PLCXD1: variants seen among roughly 807,000 people sequenced by gnomAD.
The protein encoded by PLCXD1 is PI-PLC X domain-containing protein 1.
PLCXD1 carries 45 observed loss-of-function variants against 37.8 expected under a neutral mutation model. That is an observed-to-expected ratio of 1.19 (90% confidence interval 0.94 to 1.53). The LOEUF (loss-of-function observed/expected upper bound fraction) is 1.53. Among genes scored for constraint, PLCXD1 ranks in the 40% most tolerant of loss-of-function variants. The probability of loss-of-function intolerance (pLI) is 0.00; values close to 1 mark genes in which losing one functional copy is unlikely to be tolerated. For synonymous variants in PLCXD1, 246 were observed against 206.9 expected (o/e 1.19, Z -1.62); for missense variants, 539 against 454.7 (o/e 1.19, Z -1.69).
In PLCXD1 at chrX:303,269, C is replaced by T. The variant is rs961247782; in HGVS notation, c.*3934C>T. On this transcript the variant is annotated 3_prime_UTR_variant, in exon 7 of 7. Coordinates refer to ENST00000381657, the MANE Select transcript of PLCXD1 (RefSeq NM_018390.4). ...AGGGAGCCTCCCTGACTTCCGTCGG[C>T]TGTGAATCCTTGTCTGTCAGGGGCG... 6.6e-6 allele frequency: 1 copy of T among 152,160 alleles called. No homozygotes were observed. Among genetic ancestry groups the T allele is most frequent in the African/African-American group, 2.4e-5 (1 of 41,428 alleles). The allele number at this position is 152,160 out of a possible 1,614,324, so 9.4% of individuals were successfully genotyped here.
intron 1 of PLCXD1, among the ~76,000 whole-genome samples, chrX:281,968 G>A (rs1245927303): frequency 2.0e-5 from 3 of 151,974 alleles, no homozygotes; most frequent in African/African-American, 7.2e-5. Context: ...GGCTGGTCTC[G>A]AACCCCTGAC....
chrX:277,324 T>G (rs1414710712), upstream of PLCXD1, among the ~76,000 whole-genome samples: 2 of 41,788 alleles, frequency 4.8e-5, no homozygotes, highest in African/African-American at 6.9e-5. Context: ...GGACCTGGGA[T>G]GTGAGGGGAG....
At chrX:287,397 T>A (rs1387965915) in intron 2 of PLCXD1, among the ~76,000 whole-genome samples, 1 of 143,428 alleles carries the variant, frequency 7.0e-6, no homozygotes, top group Non-Finnish European at 1.5e-5. Context: ...AAATATGTAT[T>A]TATGTAAATA....
chrX:293,005 C>A (rs762727251), intron 5 of PLCXD1, 30 bp from the exon 6 acceptor site: 1 of 1,558,686 alleles, frequency 6.4e-7, no homozygotes, highest in Admixed American at 1.8e-5. Flanking sequence ...TCCTCTCTCC[C>A]CTGCACCCCT....
At position 290,697 on chromosome X, in the gene PLCXD1, T is replaced by C; in HGVS notation, c.314T>C (p.Leu105Pro). Residue 105 changes from leucine to proline, a missense_variant, in exon 4 of 7, where the codon CTG becomes CCG. By Grantham distance (98) the Leu-to-Pro change is moderately conservative. Transcript: ENST00000381657. ...GATGCCGGGGTGCGGTACCTGGACCTGCGGATAGCCCACATGCTGGAGGGC... is the reference window on the plus strand; with the variant it reads ...GATGCCGGGGTGCGGTACCTGGACCCGCGGATAGCCCACATGCTGGAGGGC... ...QLDAGVRYLD[L>P]RIAHMLEGSE... 6.2e-7 allele frequency: 1 copy of C among 1,613,696 alleles called. No individual in the cohort carries two copies.
upstream of PLCXD1, among the ~76,000 whole-genome samples, chrX:278,181 G>GA (rs2069191835): frequency 7.6e-6 from 1 of 131,218 alleles, no homozygotes; most frequent in Admixed American, 7.6e-5. Context: ...GAGGGGTCGG[G>GA]GGACGTGGGG....
intron 3 of PLCXD1, among the ~76,000 whole-genome samples, chrX:289,375 C>T (rs1353524754): frequency 2.6e-5 from 4 of 152,004 alleles, no homozygotes; most frequent in Non-Finnish European, 5.9e-5. Flanking sequence ...GCGTGAGCCA[C>T]CGCGCCCGGC....
At chrX:292,701 C>G (rs1208184084) in intron 5 of PLCXD1, among the ~76,000 whole-genome samples, 1 of 151,906 alleles carries the variant, frequency 6.6e-6, no homozygotes, top group East Asian at 2.0e-4. Context: ...CAACCTCTGC[C>G]TCCCAGGTTC....
chrX:295,359 G>T (rs1364592876), intron 6 of PLCXD1, among the ~76,000 whole-genome samples: 3 of 152,116 alleles, frequency 2.0e-5, no homozygotes, highest in African/African-American at 7.2e-5. Flanking sequence ...GGCCGTCTCG[G>T]TCCTGCAGCC....
rs763077877 is a variant in PLCXD1 at position 291,653 on chromosome X, G to C, written c.548G>C (p.Gly183Ala). 6.2e-7 allele frequency: 1 copy of C among 1,612,356 alleles called. No homozygotes were observed. Among genetic ancestry groups the C allele is most frequent in the Non-Finnish European group, 8.5e-7 (1 of 1,179,764 alleles). Residue 183 changes from glycine to alanine, a missense_variant and splice_region_variant, in exon 5 of 7, where the codon GGG becomes GCG. Coordinates refer to ENST00000381657, the MANE Select transcript of PLCXD1 (RefSeq NM_018390.4). The part of the protein sequence containing the change: ...NIFGDMLCPR[G>A]EVPTLRQLWS... ...TTCGGGGACATGCTGTGTCCTCGTG[G>C]GGTGAGGAGGGGAAGGATATCCGCA...
Position 284,255 on chromosome X carries a change from G to A in PLCXD1, c.68G>A (p.Trp23Ter). ...CACTGCAGAAATGCCAACGAGGACT[G>A]GATGTCGGCACTGTGTCCCCGGCTC... The part of the protein sequence containing the change: ...RLHCRNANED[W>*]MSALCPRLWD... Residue 23 changes from tryptophan to a stop codon, truncating the protein, a stop_gained, in exon 2 of 7, where the codon TGG (tryptophan) becomes TAG (stop). Transcript: ENST00000381657. LOFTEE classifies it high-confidence loss of function. The A allele has an allele frequency of 1.2e-6, 2 of 1,613,236 alleles. No individual in the cohort carries two copies. Among genetic ancestry groups the A allele is most frequent in the Non-Finnish European group, 1.7e-6 (2 of 1,179,462 alleles).
intron 2 of PLCXD1, among the ~76,000 whole-genome samples, chrX:285,122 A>G (rs947238636): frequency 8.0e-5 from 7 of 87,806 alleles, no homozygotes; most frequent in African/African-American, 3.2e-4. Flanking sequence ...ACACACATGC[A>G]TGCGCACACA....
intron 3 of PLCXD1, 109 bp downstream of exon 3, chrX:288,978 G>A: frequency 2.8e-6 from 3 of 1,070,932 alleles, no homozygotes; most frequent in Non-Finnish European, 2.8e-6. Flanking sequence ...GTGGTGCCCT[G>A]TGGGCTCAGG....
rs57503874 is a variant in PLCXD1 at position 302,594 on chromosome X, C to T, written c.*3259C>T. Reference sequence around the variant, plus strand: ...TTGTATTTTTATTTATGTTTTGAGACGGAGTTTCGCTCTCGTTGCCGAGGC... The same window carrying T: ...TTGTATTTTTATTTATGTTTTGAGATGGAGTTTCGCTCTCGTTGCCGAGGC... On this transcript the variant is annotated 3_prime_UTR_variant, in exon 7 of 7. Transcript: ENST00000381657. 0.32 allele frequency: 47,969 copies of T among 151,302 alleles called. 7,838 individuals are homozygous for T. Among genetic ancestry groups the T allele is most frequent in the South Asian group, 0.54 (2,571 of 4,768 alleles). 9.4% of individuals were successfully genotyped at this position (151,302 alleles called of 1,614,324 possible).
intron 1 of PLCXD1, chrX:283,878 C>G: frequency 5.2e-6 from 1 of 192,266 alleles, no homozygotes; most frequent in East Asian, 1.2e-4. Context: ...CTCTCTCTCT[C>G]TTTTTTTTTT....
At chrX:288,660 C>G in intron 2 of PLCXD1, 73 bp from the exon 3 acceptor site, 1 of 1,522,526 alleles carries the variant, frequency 6.6e-7, no homozygotes, top group South Asian at 1.1e-5. Flanking sequence ...TGTAGGCGGG[C>G]TGTGGAGCGA....
At position 282,402 on chromosome X, in the gene PLCXD1, C is replaced by A. The variant is rs865816388; in HGVS notation, c.-22+718C>A. Among the ~76,000 whole-genome samples, 1,463 of 148,998 alleles carry A rather than the reference C, an allele frequency of 9.8e-3. 18 individuals are homozygous for A. Among genetic ancestry groups the A allele is most frequent in the African/African-American group, 0.031 (1,253 of 40,408 alleles). On this transcript the variant is annotated intron_variant, in intron 1 of 6. Coordinates refer to ENST00000381657, the MANE Select transcript of PLCXD1 (RefSeq NM_018390.4). ...TGTCTTTAAAAAAAACAAAACAAAACAAAAAAAAAACCGTACATACAGCTG... is the reference window on the plus strand; with the variant it reads ...TGTCTTTAAAAAAAACAAAACAAAAAAAAAAAAAAACCGTACATACAGCTG...
intron 6 of PLCXD1, among the ~76,000 whole-genome samples, chrX:294,414 G>A (rs1463063478): frequency 1.3e-5 from 2 of 151,602 alleles, no homozygotes; most frequent in African/African-American, 2.4e-5. Context: ...CTCGGGAGGC[G>A]GAGCTTGCAG....
Position 300,418 on chromosome X carries a change from A to G in PLCXD1, c.*1083A>G, listed in dbSNP as rs28888688. Reference sequence around the variant, plus strand: ...TATGTGTCTGTGTGTATATATGTGTATATATCGGTGTGTATATATGTATGT... The same window carrying G: ...TATGTGTCTGTGTGTATATATGTGTGTATATCGGTGTGTATATATGTATGT... On this transcript the variant is annotated 3_prime_UTR_variant, in exon 7 of 7. Coordinates refer to ENST00000381657, the MANE Select transcript of PLCXD1 (RefSeq NM_018390.4). 28 of 148,450 alleles carry G rather than the reference A, an allele frequency of 1.9e-4. No homozygotes were observed. Among genetic ancestry groups the G allele is most frequent in the African/African-American group, 6.2e-4 (25 of 40,560 alleles). 9.2% of individuals were successfully genotyped at this position (148,450 alleles called of 1,614,324 possible).
Sources: allele counts gnomAD v4.1 joint callset (sites outside exome capture counted in the v4.1 genomes callset), GRCh38; gene constraint gnomAD v4.1.1; transcripts MANE v1.5; gene names NCBI Gene and HGNC (gene_info 2026-07-23, HGNC 2026-07-21).